DNASE2B: variants seen among roughly 807,000 people sequenced by gnomAD.
The protein encoded by DNASE2B is deoxyribonuclease-2-beta.
DNASE2B carries 43 observed loss-of-function variants against 46.0 expected under a neutral mutation model. That is an observed-to-expected ratio of 0.94 (90% CI 0.73 to 1.21). DNASE2B has a LOEUF of 1.21. DNASE2B is among the 50% of genes most tolerant of loss of function. The pLI, the probability that DNASE2B is intolerant of heterozygous loss-of-function variation, is 0.00. For missense variants in DNASE2B, 395 were observed against 414.4 expected (o/e 0.95, Z 0.41); for synonymous variants, 156 against 152.5 (o/e 1.02, Z -0.17).
rs10556229 is a variant in DNASE2B at position 84,408,816 on chromosome 1, T to TTA, written c.385+318_385+319dup. Among the ~76,000 whole-genome samples the TTA allele has an allele frequency of 4.5e-3, 666 of 149,368 alleles. 6 individuals are homozygous for TTA. The highest frequency in any genetic ancestry group is 0.015 in the African/African-American group (603 of 40,730). The stretch of plus-strand genomic sequence containing the variant: ...AGGACACACACACACACCAGCAATT[T>TTA]TATATATATATATATATATATGCAC... On this transcript the variant is annotated intron_variant, in intron 3 of 5. Coordinates refer to ENST00000370665, the MANE Select transcript of DNASE2B (RefSeq NM_021233.3).
rs570370636 is a variant in DNASE2B, at chr1:84,414,740, A to G, written c.958A>G (p.Thr320Ala). Residue 320 changes from threonine (T) to alanine (A), a missense_variant, in exon 6 of 6, where the codon ACA becomes GCA. By Grantham distance (58) the Thr-to-Ala change is moderately conservative. Transcript: ENST00000370665. ...CCAAAAGGGCACCAAAAATCGCTGG[A>G]CATGTATTGGAGACCTAAATCGGAG... ...ISQKGTKNRW[T>A]CIGDLNRSPH... is the part of the protein sequence containing the mutation. The G allele has an allele frequency of 1.2e-6, 2 of 1,614,230 alleles. No individual in the cohort carries two copies. The highest frequency in any genetic ancestry group is 1.6e-4 in the Middle Eastern group (1 of 6,062).
At chr1:84,408,343 A>G in intron 2 of DNASE2B, 94 bp from the exon 3 acceptor site, 1 of 1,424,156 alleles carries the variant, frequency 7.0e-7, no homozygotes, top group East Asian at 2.7e-5. Flanking sequence ...TATTAATGAA[A>G]GCAATGTATT....
At position 84,402,381 on chromosome 1, in the gene DNASE2B, C is replaced by T. The variant is rs1680435742; in HGVS notation, c.303+303C>T. Among the ~76,000 whole-genome samples the T allele has an allele frequency of 3.3e-5, 5 of 152,150 alleles. No individual in the cohort carries two copies. The South Asian group carries it at 1.0e-3, about 32-fold the overall frequency. On this transcript the variant is annotated intron_variant, in intron 2 of 5. Transcript: ENST00000370665. ...GGCTGCCAAAATGTCTGTCAGTTTG[C>T]TTATTCATCTAATAGAAATAGGGAG...
rs777490796 is a variant in DNASE2B at position 84,398,612 on chromosome 1, G to A, written c.48G>A (p.Leu16=). Reference sequence around the variant, plus strand: ...GACTGCTAAGAACATCCTTTGCTTTGCTCTTCCTTGGCCTCTTTGGGGTGC... The same window carrying A: ...GACTGCTAAGAACATCCTTTGCTTTACTCTTCCTTGGCCTCTTTGGGGTGC... ...MARLLRTSFA[L]LFLGLFGVLG... The change falls in exon 1 of 6, where the codon TTG becomes TTA. Residue 16 remains leucine, a synonymous_variant. Coordinates refer to ENST00000370665, the MANE Select transcript of DNASE2B (RefSeq NM_021233.3). 9.9e-6 allele frequency: 16 copies of A among 1,613,772 alleles called. No individual in the cohort carries two copies. In the East Asian group the frequency reaches 3.3e-4, roughly 34 times the overall value.
At chr1:84,399,878 G>A (rs1680376230) in intron 1 of DNASE2B, among the ~76,000 whole-genome samples, 1 of 152,158 alleles carries the variant, frequency 6.6e-6, no homozygotes, top group African/African-American at 2.4e-5. Flanking sequence ...GAAACCCATT[G>A]GCAGTACTAT....
At chr1:84,404,612 C>T (rs1023127163) in intron 2 of DNASE2B, among the ~76,000 whole-genome samples, 2 of 152,184 alleles carry the variant, frequency 1.3e-5, no homozygotes, top group Non-Finnish European at 2.9e-5. Context: ...AGGTGGACAA[C>T]TTTGACACCT....
intron 5 of DNASE2B, 94 bp from the exon 6 acceptor site, chr1:84,414,433 AG>A: frequency 9.5e-7 from 1 of 1,052,160 alleles, no homozygotes; most frequent in Non-Finnish European, 1.4e-6. Context: ...TCCACATATC[AG>A]GGGTGAAAGA....
chr1:84,414,952 C>T lies in DNASE2B; in HGVS notation c.*84C>T. On this transcript the variant is annotated 3_prime_UTR_variant, in exon 6 of 6. Coordinates refer to ENST00000370665, the MANE Select transcript of DNASE2B (RefSeq NM_021233.3). ...TTACACCTTCTTTATATTTTAAAGG[C>T]CTGTGAATATACTTATAACCTGCAT... 2 of 983,716 alleles carry T rather than the reference C, an allele frequency of 2.0e-6. No homozygotes were observed. Among genetic ancestry groups the T allele is most frequent in the Non-Finnish European group, 3.0e-6 (2 of 669,182 alleles). 60.9% of individuals were successfully genotyped at this position (983,716 alleles called of 1,614,324 possible).
rs142900233 is a variant in DNASE2B, at chr1:84,398,736, A to T, written c.125+47A>T. On this transcript the variant is annotated intron_variant, in intron 1 of 5. Coordinates refer to ENST00000370665, the MANE Select transcript of DNASE2B (RefSeq NM_021233.3). ...ACTGCTGCATGCAAACAGCCTCGGT[A>T]CAGAGTTGGCCTGGCTCACTGCGAA... 9.2e-3 allele frequency: 14,743 copies of T among 1,606,846 alleles called. 125 individuals are homozygous for T. Among genetic ancestry groups the T allele is most frequent in the Non-Finnish European group, 9.6e-3 (11,248 of 1,175,498 alleles).
chr1:84,402,195 T>C, intron 2 of DNASE2B, 117 bp downstream of exon 2: 1 of 997,348 alleles, frequency 1.0e-6, no homozygotes, highest in Middle Eastern at 3.1e-4. Context: ...CACCTTGAAG[T>C]GAGCTAGCTC....
In DNASE2B at chr1:84,414,605, C is replaced by T; in HGVS notation, c.823C>T (p.Leu275Phe). 6.2e-7 allele frequency: 1 copy of T among 1,614,134 alleles called. No homozygotes were observed. The highest frequency in any genetic ancestry group is 8.5e-7 in the Non-Finnish European group (1 of 1,179,996). The change falls in exon 6 of 6, where the codon CTT (leucine) becomes TTT (phenylalanine). Residue 275 changes from leucine to phenylalanine, a missense_variant. Coordinates refer to ENST00000370665, the MANE Select transcript of DNASE2B (RefSeq NM_021233.3). Reference protein sequence around the residue: ...TETWQRKRQELPSNCSLPYHV... With the variant: ...TETWQRKRQEFPSNCSLPYHV... ...AACCTGGCAGCGAAAAAGACAAGAG[C>T]TTCCTTCAAACTGCTCCCTTCCTTA... is the stretch of plus-strand genomic sequence containing the variant.
chr1:84,402,798 A>C (rs917123180), intron 2 of DNASE2B, among the ~76,000 whole-genome samples: 5 of 152,230 alleles, frequency 3.3e-5, no homozygotes, highest in Non-Finnish European at 7.3e-5. Context: ...TTAACATCCA[A>C]TTATACTCAT....
Position 84,398,640 on chromosome 1 carries a change from G to C in DNASE2B, c.76G>C (p.Gly26Arg). 1 of 1,613,874 alleles carries C rather than the reference G, an allele frequency of 6.2e-7. No homozygotes were observed. The highest frequency in any genetic ancestry group is 8.5e-7 in the Non-Finnish European group (1 of 1,179,822). The change falls in exon 1 of 6, where the codon GGG becomes CGG. Residue 26 changes from glycine (G) to arginine (R), a missense_variant. Gly to Arg is a moderately radical substitution (Grantham distance 125). Transcript: ENST00000370665. Reference sequence around the variant, plus strand: ...CTTCCTTGGCCTCTTTGGGGTGCTGGGGGCAGCAACAATTTCATGCAGAAA... The same window carrying C: ...CTTCCTTGGCCTCTTTGGGGTGCTGCGGGCAGCAACAATTTCATGCAGAAA... The part of the protein sequence containing the change: ...LLFLGLFGVL[G>R]AATISCRNEE...
intron 5 of DNASE2B, among the ~76,000 whole-genome samples, chr1:84,413,221 A>T (rs1475914356): frequency 6.6e-6 from 1 of 151,868 alleles, no homozygotes; most frequent in African/African-American, 2.4e-5. Flanking sequence ...TTTCAGATTT[A>T]TTTTTTTAAA....
In DNASE2B at chr1:84,403,097, T is replaced by C. The variant is rs111902908; in HGVS notation, c.303+1019T>C. Among the ~76,000 whole-genome samples, 1,305 of 152,314 alleles carry C rather than the reference T, an allele frequency of 8.6e-3. 13 individuals are homozygous for C. The highest frequency in any genetic ancestry group is 0.034 in the Middle Eastern group (10 of 294). ...CTTATCTGTAGGCTATTTGAGAACATGTGATGTGCCAAGCACTTTTCTAGA... is the reference window on the plus strand; with the variant it reads ...CTTATCTGTAGGCTATTTGAGAACACGTGATGTGCCAAGCACTTTTCTAGA... On this transcript the variant is annotated intron_variant, in intron 2 of 5. Transcript: ENST00000370665.
chr1:84,405,527 T>TGCAGGCTGGGTAGCTGGTAGAAA (rs1680480033), intron 2 of DNASE2B, among the ~76,000 whole-genome samples: 1 of 152,194 alleles, frequency 6.6e-6, no homozygotes, highest in African/African-American at 2.4e-5. Flanking sequence ...ATGTCATGAC[T>TGCAGGCTGGGTAGCTGGTAGAAA]TGTCTTTGCT....
At chr1:84,404,071 GCTGGGATTATACACATGAGACA>G (rs1234695107) in intron 2 of DNASE2B, among the ~76,000 whole-genome samples, 1 of 150,868 alleles carries the variant, frequency 6.6e-6, no homozygotes, top group African/African-American at 2.4e-5. Context: ...CCTCTGAAGT[GCTGGGATTATACACATGAGACA>G]CTGCACCCAG....
chr1:84,406,209 T>C (rs1003365002), intron 2 of DNASE2B, among the ~76,000 whole-genome samples: 1 of 152,146 alleles, frequency 6.6e-6, no homozygotes, highest in African/African-American at 2.4e-5. Context: ...CTGCAGCTGC[T>C]TCTGCTTTCC....
intron 2 of DNASE2B, 118 bp from the exon 3 acceptor site, chr1:84,408,319 T>C (rs911069406): frequency 1.5e-6 from 2 of 1,330,342 alleles, no homozygotes; most frequent in African/African-American, 3.0e-5. Flanking sequence ...GGGGAATAGA[T>C]GACTTCTCAT....
Sources: allele counts gnomAD v4.1 joint callset (sites outside exome capture counted in the v4.1 genomes callset), GRCh38; gene constraint gnomAD v4.1.1; transcripts MANE v1.5; gene names NCBI Gene and HGNC (gene_info 2026-07-23, HGNC 2026-07-21).